Variants in ADAMTSL1 observed in about 807,000 individuals in gnomAD.
ADAMTSL1 encodes the protein ADAMTS-like protein 1.
A neutral mutation model predicts 201.8 loss-of-function variants in ADAMTSL1; 126 were observed. The observed-to-expected ratio is 0.62, with a 90% CI of 0.54 to 0.72. The LOEUF is 0.72. Ranked by LOEUF, ADAMTSL1 falls within the 30% of genes least tolerant of loss-of-function variation. The pLI is 0.00. For missense variants in ADAMTSL1, 2,679 were observed against 2,277.8 expected (o/e 1.18, Z -3.59); for synonymous variants, 1,121 against 903.4 (o/e 1.24, Z -4.32).
chr9:18,092,237 T>C (rs1824055022), intron 1 of ADAMTSL1, among the ~76,000 whole-genome samples: 1 of 152,040 alleles, frequency 6.6e-6, no homozygotes, highest in Non-Finnish European at 1.5e-5. Flanking sequence ...AAAAAGGCAA[T>C]TGTAGCTCAA....
chr9:18,680,358 G>A lies in ADAMTSL1; in HGVS notation c.1183G>A (p.Gly395Ser), dbSNP rs569257136. 4 of 1,614,112 alleles carry A rather than the reference G, an allele frequency of 2.5e-6. No individual in the cohort carries two copies. Among genetic ancestry groups the A allele is most frequent in the East Asian group, 2.2e-5 (1 of 44,868 alleles). The part of the protein sequence containing the change: ...WTACSSSCGG[G>S]IQSRAVSCVE... ...CGCGTGCTCCTCCTCGTGTGGGGGG[G>A]GCATCCAGAGCCGGGCAGTTTCCTG... Residue 395 changes from glycine (G) to serine (S), a missense_variant, in exon 11 of 29, where the codon GGC becomes AGC. Coordinates refer to ENST00000380548, the MANE Select transcript of ADAMTSL1 (RefSeq NM_001040272.6).
chr9:18,297,625 C>A (rs1368765645), intron 2 of ADAMTSL1, among the ~76,000 whole-genome samples: 3 of 152,220 alleles, frequency 2.0e-5, no homozygotes, highest in African/African-American at 7.2e-5. Flanking sequence ...GGTGAACCTG[C>A]GGTTGCTGCA....
chr9:18,752,264 G>T (rs961961263), intron 15 of ADAMTSL1, among the ~76,000 whole-genome samples: 15 of 152,156 alleles, frequency 9.9e-5, no homozygotes, highest in African/African-American at 3.6e-4. Context: ...ACATGTCAGA[G>T]CAGTAGGAAA....
intron 2 of ADAMTSL1, among the ~76,000 whole-genome samples, chr9:18,305,826 G>C (rs1374031491): frequency 6.6e-6 from 1 of 152,176 alleles, no homozygotes; most frequent in African/African-American, 2.4e-5. Context: ...GAAGAGAGCA[G>C]TGGATCACGC....
chr9:18,091,741 T>A (rs1471105177), intron 1 of ADAMTSL1, among the ~76,000 whole-genome samples: 1 of 152,138 alleles, frequency 6.6e-6, no homozygotes, highest in Non-Finnish European at 1.5e-5. Context: ...GTGAACACAG[T>A]GTGCTATTAA....
At chr9:18,456,142 C>A (rs142957718) in intron 2 of ADAMTSL1, among the ~76,000 whole-genome samples, 2 of 152,254 alleles carry the variant, frequency 1.3e-5, no homozygotes, top group African/African-American at 4.8e-5. Flanking sequence ...TTCTCAGAGA[C>A]CCCATTATTC....
Position 18,170,006 on chromosome 9 carries a change from G to A in ADAMTSL1, c.207+6025G>A, listed in dbSNP as rs540953199. ...GACAAGAAGCATAGATTTGGTTACA[G>A]CACATTTGCTACTTTGAGTTATATG... is the stretch of plus-strand genomic sequence containing the variant. On this transcript the variant is annotated intron_variant, in intron 2 of 29. Transcript: ENST00000680146. Among the ~76,000 whole-genome samples, 15 of 152,042 alleles carry A rather than the reference G, an allele frequency of 9.9e-5. No homozygotes were observed. In the East Asian group the frequency reaches 2.9e-3, roughly 30 times the overall value.
At chr9:18,875,905 G>GT (rs1304641020) in intron 23 of ADAMTSL1, among the ~76,000 whole-genome samples, 1 of 152,094 alleles carries the variant, frequency 6.6e-6, no homozygotes, top group African/African-American at 2.4e-5. Flanking sequence ...GGTAATGATT[G>GT]TTTTATAAGT....
chr9:17,911,181 A>T (rs7861485), intron 1 of ADAMTSL1, among the ~76,000 whole-genome samples: 1 of 67,744 alleles, frequency 1.5e-5, no homozygotes, highest in African/African-American at 3.0e-5. Context: ...ACTGAATTAC[A>T]CTTCTTAAAG....
At chr9:18,083,114 A>G (rs947345285) in intron 1 of ADAMTSL1, among the ~76,000 whole-genome samples, 5 of 152,310 alleles carry the variant, frequency 3.3e-5, no homozygotes, top group Admixed American at 3.3e-4. Context: ...AGACAAAAAG[A>G]CTTTTTATTT....
Position 18,710,676 on chromosome 9 carries a change from T to G in ADAMTSL1, c.1876+3628T>G, listed in dbSNP as rs146758762. ...AAGGGCCTAAGTTTTGTTTTGTTTT[T>G]TTTTTTTTTTTTTTACAAAATTGAA... is the stretch of plus-strand genomic sequence containing the variant. On this transcript the variant is annotated intron_variant, in intron 14 of 28. Coordinates refer to ENST00000380548, the MANE Select transcript of ADAMTSL1 (RefSeq NM_001040272.6). 4.6e-3 allele frequency among the ~76,000 whole-genome samples: 690 copies of G among 148,626 alleles called. 5 individuals are homozygous for G. Among genetic ancestry groups the G allele is most frequent in the Middle Eastern group, 0.032 (9 of 284 alleles).
intron 23 of ADAMTSL1, among the ~76,000 whole-genome samples, chr9:18,858,208 T>G (rs1167219873): frequency 6.6e-6 from 1 of 152,188 alleles, no homozygotes; most frequent in East Asian, 1.9e-4. Context: ...CTTCCATATT[T>G]GTAATTCTCT....
At chr9:18,734,830 A>G (rs1189772397) in intron 15 of ADAMTSL1, among the ~76,000 whole-genome samples, 2 of 152,146 alleles carry the variant, frequency 1.3e-5, no homozygotes. Context: ...AGGCTTTCCA[A>G]GAAACCTCAG....
intron 2 of ADAMTSL1, among the ~76,000 whole-genome samples, chr9:18,451,319 C>A (rs1211644973): frequency 6.6e-6 from 1 of 152,130 alleles, no homozygotes; most frequent in African/African-American, 2.4e-5. Context: ...AGATAACTTG[C>A]TGTCATTTTT....
intron 2 of ADAMTSL1, among the ~76,000 whole-genome samples, chr9:18,175,674 C>G (rs567983195): frequency 6.6e-6 from 1 of 152,246 alleles, no homozygotes; most frequent in African/African-American, 2.4e-5. Flanking sequence ...ACTCTCTAGA[C>G]TTTCCTTTCT....
intron 4 of ADAMTSL1, among the ~76,000 whole-genome samples, chr9:18,600,234 T>C (rs1373394655): frequency 5.3e-5 from 8 of 152,138 alleles, no homozygotes. Context: ...ATTGTTATCA[T>C]GATGGTAATG....
rs1233975924 is a variant in ADAMTSL1, at chr9:18,149,536, AG to A, written c.88-14323del. 2.0e-5 allele frequency among the ~76,000 whole-genome samples: 3 copies of A among 152,000 alleles called. No homozygotes were observed. In the East Asian group the frequency reaches 5.8e-4, roughly 29 times the overall value. ...TTCTGGAGCACAACATCACATCACC[AG>A]GGAGTGTGTTAGAAAAGCATCATCT... On this transcript the variant is annotated intron_variant, in intron 1 of 29. Transcript: ENST00000680146.
intron 1 of ADAMTSL1, among the ~76,000 whole-genome samples, chr9:17,998,932 A>G (rs931341475): frequency 6.6e-6 from 1 of 151,932 alleles, no homozygotes. Flanking sequence ...CATCAAGTCA[A>G]TGTAATTCAT....
chr9:18,203,482 G>C (rs953033309), intron 2 of ADAMTSL1, among the ~76,000 whole-genome samples: 1 of 151,426 alleles, frequency 6.6e-6, no homozygotes, highest in African/African-American at 2.4e-5. Context: ...GCAGATAACT[G>C]TACCAAAAAG....
Sources: gnomAD v4.1 joint callset for allele counts (sites outside exome capture counted in the v4.1 genomes callset) on GRCh38, gnomAD v4.1.1 for gene constraint, MANE v1.5 for transcripts, NCBI Gene and HGNC (gene_info 2026-07-23, HGNC 2026-07-21) for gene names.